Variants in PTPN9 observed in about 807,000 individuals in gnomAD.
PTPN9 encodes the protein protein tyrosine phosphatase non-receptor type 9.
PTPN9 carries 26 observed loss-of-function variants against 69.8 expected under a neutral mutation model. The ratio of observed to expected loss-of-function variants is 0.37; its 90% CI spans 0.27 to 0.52. The LOEUF (loss-of-function observed/expected upper bound fraction) is 0.52, where lower values mean the gene tolerates loss of function less well. Among genes scored for constraint, PTPN9 ranks in the 20% least tolerant of loss-of-function variants. The pLI, the probability that PTPN9 is intolerant of heterozygous loss-of-function variation, is 0.91. For synonymous variants in PTPN9, 274 were observed against 272.5 expected, an observed-to-expected ratio of 1.01 and a Z score of -0.05; for missense variants, 549 against 740.3, an observed-to-expected ratio of 0.74 and a Z score of 3.00.
chr15:75,473,428 T>A (rs950133314), intron 10 of PTPN9, among the ~76,000 whole-genome samples: 47 of 152,198 alleles, frequency 3.1e-4, no homozygotes, highest in African/African-American at 1.1e-3. Context: ...TTTTTGTATT[T>A]TTAATAGAGA....
At chr15:75,563,003 G>A (rs1449738229) in intron 1 of PTPN9, among the ~76,000 whole-genome samples, 3 of 152,032 alleles carry the variant, frequency 2.0e-5, no homozygotes, top group Non-Finnish European at 2.9e-5. Flanking sequence ...GTGTGTCACA[G>A]GGTTTGGTGT....
intron 1 of PTPN9, among the ~76,000 whole-genome samples, chr15:75,545,268 AT>A (rs1244922653): frequency 6.6e-6 from 1 of 152,158 alleles, no homozygotes; most frequent in African/African-American, 2.4e-5. Context: ...GGAACTTAAA[AT>A]TTAAAATACA....
At chr15:75,568,885 C>T (rs955892215) in intron 1 of PTPN9, among the ~76,000 whole-genome samples, 4 of 152,188 alleles carry the variant, frequency 2.6e-5, no homozygotes, top group South Asian at 2.1e-4. Flanking sequence ...GAAGCTAACT[C>T]GGTTAGGTTC....
intron 7 of PTPN9, among the ~76,000 whole-genome samples, chr15:75,499,669 G>T (rs2074762662): frequency 6.6e-6 from 1 of 151,874 alleles, no homozygotes. Flanking sequence ...CTCCCAAAGT[G>T]CTGCGATTAC....
intron 1 of PTPN9, among the ~76,000 whole-genome samples, chr15:75,575,598 T>C (rs1314759836): frequency 1.3e-5 from 2 of 152,170 alleles, no homozygotes; most frequent in African/African-American, 2.4e-5. Flanking sequence ...TGTACTGCTG[T>C]TTAATTTTAA....
chr15:75,507,644 G>C (rs1292057380), intron 6 of PTPN9, among the ~76,000 whole-genome samples: 1 of 151,902 alleles, frequency 6.6e-6, no homozygotes, highest in Non-Finnish European at 1.5e-5. Flanking sequence ...GCACACGCCT[G>C]TAGTCCCAGC....
intron 4 of PTPN9, among the ~76,000 whole-genome samples, chr15:75,521,619 G>A (rs1301349906): frequency 6.6e-6 from 1 of 151,918 alleles, no homozygotes; most frequent in Non-Finnish European, 1.5e-5. Flanking sequence ...GCCGAGATGG[G>A]AGGATTGCTT....
chr15:75,548,721 T>C (rs1470655190), intron 1 of PTPN9, among the ~76,000 whole-genome samples: 1 of 148,418 alleles, frequency 6.7e-6, no homozygotes, highest in Non-Finnish European at 1.5e-5. Context: ...GGGCGCGATC[T>C]TGGCTCACTG....
intron 1 of PTPN9, among the ~76,000 whole-genome samples, chr15:75,575,010 G>GTTTTTTTTTT (rs1567533120): frequency 0.039 from 622 of 15,770 alleles, 255 homozygotes; most frequent in South Asian, 0.11. Flanking sequence ...TTGAGACAGA[G>GTTTTTTTTTT]GAGACGGAGT....
intron 9 of PTPN9, among the ~76,000 whole-genome samples, chr15:75,475,212 G>C (rs928397338): frequency 2.0e-4 from 30 of 151,692 alleles, no homozygotes; most frequent in Non-Finnish European, 3.7e-4. Flanking sequence ...CCTTTGCACA[G>C]GGCTGAGCAC....
Position 75,490,249 on chromosome 15 carries a change from G to T in PTPN9, c.1021C>A (p.Gln341Lys), listed in dbSNP as rs2074701405. The change falls in exon 8 of 13, where the codon CAA (glutamine) becomes AAA (lysine). Residue 341 changes from glutamine (Q) to lysine (K), a missense_variant. This residue lies in a region of PTPN9 where 457 missense variants were observed against 661.9 expected (regional missense o/e 0.69). Coordinates refer to ENST00000618819, the MANE Select transcript of PTPN9 (RefSeq NM_002833.4). ...CGCTTTGTTAGCTTCACTCTAGTTT[G>T]GTCCAGGCAGGGTACATCCCCATAA... ...NRYGDVPCLD[Q>K]TRVKLTKRSG... 6.2e-7 allele frequency: 1 copy of T among 1,613,634 alleles called. No homozygotes were observed. Among genetic ancestry groups the T allele is most frequent in the African/African-American group, 1.3e-5 (1 of 74,900 alleles).
At position 75,536,499 on chromosome 15, in the gene PTPN9, C is replaced by T. The variant is rs1315921537; in HGVS notation, c.64-9238G>A. ...ATAAAAAAAATTTTTTTAGGAGTGC[C>T]TTGAAGGATGAGTAGGAATCTGTCA... On this transcript the variant is annotated intron_variant, in intron 1 of 12. Coordinates refer to ENST00000618819, the MANE Select transcript of PTPN9 (RefSeq NM_002833.4). Among the ~76,000 whole-genome samples, 4 of 152,022 alleles carry T rather than the reference C, an allele frequency of 2.6e-5. No individual in the cohort carries two copies. In the East Asian group the frequency reaches 7.7e-4, roughly 29 times the overall value.
Position 75,464,805 on chromosome 15 carries a change from C to G in PTPN9, c.*3964G>C, listed in dbSNP as rs1278003932. 1 of 152,196 alleles carries G rather than the reference C, an allele frequency of 6.6e-6. No homozygotes were observed. The highest frequency in any genetic ancestry group is 2.4e-5 in the African/African-American group (1 of 41,450). The allele number at this position is 152,196 out of a possible 1,614,324, so 9.4% of individuals were successfully genotyped here. A position where few individuals can be genotyped will look rare whatever the true frequency, so the allele number is the denominator to read the frequency against. Reference sequence around the variant, plus strand: ...TATGATGCTAAATAGTCCATTCTCCCAAGAACAAGTCCTACTCTGTCATTT... The same window carrying G: ...TATGATGCTAAATAGTCCATTCTCCGAAGAACAAGTCCTACTCTGTCATTT... On this transcript the variant is annotated 3_prime_UTR_variant, in exon 13 of 13. Coordinates refer to ENST00000618819, the MANE Select transcript of PTPN9 (RefSeq NM_002833.4).
Position 75,508,056 on chromosome 15 carries a change from A to G in PTPN9, c.639+861T>C, listed in dbSNP as rs946453295. Reference sequence around the variant, plus strand: ...GACACTCTCAAAAAAAAAAAAAAAAAAAAAAAAAGAAAAGCTCTCTCCTAC... The same window carrying G: ...GACACTCTCAAAAAAAAAAAAAAAAGAAAAAAAAGAAAAGCTCTCTCCTAC... On this transcript the variant is annotated intron_variant, in intron 6 of 12. Coordinates refer to ENST00000618819, the MANE Select transcript of PTPN9 (RefSeq NM_002833.4). 6.0e-5 allele frequency among the ~76,000 whole-genome samples: 9 copies of G among 151,200 alleles called. 1 individual carries two copies. The highest frequency in any genetic ancestry group is 4.0e-4 in the Admixed American group (6 of 15,164).
In PTPN9 at chr15:75,468,352, C is replaced by T. The variant is rs555294907; in HGVS notation, c.*417G>A. On this transcript the variant is annotated 3_prime_UTR_variant, in exon 13 of 13. Coordinates refer to ENST00000618819, the MANE Select transcript of PTPN9 (RefSeq NM_002833.4). ...AGAATATGTAACTTGGTCAAGCTCT[C>T]TGGGGAGAAAGGCAAATGCTCATCA... The T allele has an allele frequency of 9.0e-5, 16 of 178,596 alleles. No homozygotes were observed. In the South Asian group the frequency reaches 2.0e-3, roughly 22 times the overall value. 11.1% of individuals were successfully genotyped at this position (178,596 alleles called of 1,614,324 possible). A position where few individuals can be genotyped will look rare whatever the true frequency, so the allele number is the denominator to read the frequency against.
chr15:75,471,609 G>GA (rs35968452), intron 10 of PTPN9, among the ~76,000 whole-genome samples: 39,463 of 103,242 alleles, frequency 0.38, 6,433 homozygotes, highest in Middle Eastern at 0.53. Context: ...TCTCAAAAAA[G>GA]AAAAAAAAAA....
intron 8 of PTPN9, among the ~76,000 whole-genome samples, chr15:75,482,441 T>C (rs1174402576): frequency 6.6e-6 from 1 of 151,902 alleles, no homozygotes; most frequent in African/African-American, 2.4e-5. Context: ...GGCGGGCGCC[T>C]GTAGTCCCAG....
Position 75,523,034 on chromosome 15 carries a change from C to T in PTPN9, c.422+87G>A, listed in dbSNP as rs74452980. ...CCCAGGGCACATCCTAGGAGAATGG[C>T]GAAGGCACTGCTGAATTTAATCAAG... On this transcript the variant is annotated intron_variant, in intron 4 of 12. Coordinates refer to ENST00000618819, the MANE Select transcript of PTPN9 (RefSeq NM_002833.4). 1,837 of 1,484,558 alleles carry T rather than the reference C, an allele frequency of 1.2e-3. 22 individuals are homozygous for T. The African/African-American group carries it at 0.023, about 19-fold the overall frequency. The allele number at this position is 1,484,558 out of a possible 1,614,324, so 92.0% of individuals were successfully genotyped here.
chr15:75,546,369 C>T (rs1231560201), intron 1 of PTPN9, among the ~76,000 whole-genome samples: 3 of 152,056 alleles, frequency 2.0e-5, no homozygotes, highest in Admixed American at 1.3e-4. Flanking sequence ...TTCAGCCAGG[C>T]GCAGTGCCTC....
Sources: allele counts gnomAD v4.1 joint callset (sites outside exome capture counted in the v4.1 genomes callset), GRCh38; gene constraint gnomAD v4.1.1; regional missense constraint gnomAD v4.1.1; transcripts MANE v1.5; gene names NCBI Gene and HGNC (gene_info 2026-07-23, HGNC 2026-07-21).